Variants in LRRC37A2 observed in about 807,000 individuals in gnomAD.
LRRC37A2 encodes the protein leucine rich repeat containing 37 member A2.
A neutral mutation model predicts 68.8 loss-of-function variants in LRRC37A2; 9 were observed. The observed-to-expected ratio is 0.13, with a 90% confidence interval of 0.08 to 0.23. LRRC37A2 has a LOEUF of 0.23. Among genes scored for constraint, LRRC37A2 ranks in the 10% least tolerant of loss-of-function variants. LRRC37A2 has a pLI of 1.00. For missense variants in LRRC37A2, 168 were observed against 950.4 expected, an observed-to-expected ratio of 0.18 and a Z score of 10.82; for synonymous variants, 63 against 367.6, an observed-to-expected ratio of 0.17 and a Z score of 9.48.
chr17:46,940,410 C>T, the LRRC37A2 span: 2 of 1,588,308 alleles, frequency 1.3e-6, no homozygotes, highest in Non-Finnish European at 1.7e-6. Flanking sequence ...CATCTTTAGA[C>T]CTAGATCTGT....
chr17:46,764,913 G>T, the LRRC37A2 span, among the ~76,000 whole-genome samples: 2 of 152,346 alleles, frequency 1.3e-5, no homozygotes, highest in African/African-American at 4.8e-5. Flanking sequence ...CCAGGAGCAG[G>T]TCACTCAGGA....
the LRRC37A2 span, among the ~76,000 whole-genome samples, chr17:46,829,154 G>A: frequency 6.6e-6 from 1 of 151,982 alleles, no homozygotes; most frequent in Non-Finnish European, 1.5e-5. Context: ...ATTTTTTTAT[G>A]GTGTGCAAAT....
the LRRC37A2 span, chr17:46,938,503 ATGTC>A: frequency 9.4e-6 from 15 of 1,589,526 alleles, no homozygotes; most frequent in Non-Finnish European, 1.3e-5. Flanking sequence ...GACCAAGAGA[ATGTC>A]TGTTGGCAAA....
the LRRC37A2 span, among the ~76,000 whole-genome samples, chr17:46,819,810 C>T: frequency 6.6e-6 from 1 of 152,340 alleles, no homozygotes; most frequent in Non-Finnish European, 1.5e-5. The surrounding 1 kb of genome is among the most constrained non-coding windows in gnomAD (Gnocchi z 5.3). Flanking sequence ...TCTCCCTCTC[C>T]AGAGCGAGGA....
At chr17:46,611,869 TGTTAAA>T in the LRRC37A2 span, among the ~76,000 whole-genome samples, 1 of 104,410 alleles carries the variant, frequency 9.6e-6, no homozygotes, top group Non-Finnish European at 1.9e-5. Context: ...AACTGGACTT[TGTTAAA>T]GTTAAAAACT....
the LRRC37A2 span, among the ~76,000 whole-genome samples, chr17:46,721,215 C>T: frequency 6.6e-6 from 1 of 152,214 alleles, no homozygotes; most frequent in Non-Finnish European, 1.5e-5. Flanking sequence ...CAGCCTGTGT[C>T]GTACCTCCAC....
chr17:46,543,768 G>A (rs1348579694), intron 8 of LRRC37A2, among the ~76,000 whole-genome samples: 1 of 150,916 alleles, frequency 6.6e-6, no homozygotes, highest in African/African-American at 2.5e-5. Context: ...ATGTTTCCCA[G>A]CCATCCTAAG....
the LRRC37A2 span, among the ~76,000 whole-genome samples, chr17:46,779,758 AC>A: frequency 4.3e-4 from 19 of 43,886 alleles, 1 homozygote; most frequent in Admixed American, 3.9e-3. Flanking sequence ...GGCAGAGAGG[AC>A]CTTTTTTTTT....
the LRRC37A2 span, among the ~76,000 whole-genome samples, chr17:46,902,435 T>C: frequency 2.0e-5 from 3 of 151,494 alleles, no homozygotes; most frequent in African/African-American, 4.9e-5. Context: ...GAGTAATTCA[T>C]TTGAAATCTC....
chr17:47,019,926 T>G, the LRRC37A2 span: 2 of 703,466 alleles, frequency 2.8e-6, no homozygotes, highest in Non-Finnish European at 2.5e-6. Flanking sequence ...TGCTTTCACC[T>G]TTGCTTGTCA....
the LRRC37A2 span, chr17:46,876,316 C>T: frequency 1.9e-6 from 3 of 1,614,182 alleles, no homozygotes; most frequent in Non-Finnish European, 2.5e-6. Flanking sequence ...TGCGCACCTG[C>T]TGGAAGCAGC....
the LRRC37A2 span, among the ~76,000 whole-genome samples, chr17:46,805,311 G>A: frequency 2.0e-5 from 3 of 152,104 alleles, no homozygotes; most frequent in Admixed American, 1.3e-4. Flanking sequence ...AGTGGCTCAC[G>A]CCTGTAATCC....
the LRRC37A2 span, chr17:46,964,513 C>G: frequency 2.6e-5 from 4 of 152,434 alleles, no homozygotes; most frequent in Admixed American, 6.5e-5. Context: ...TGGCCTATTG[C>G]TGGGGAGGCC....
chr17:46,709,016 G>A, the LRRC37A2 span, among the ~76,000 whole-genome samples: 2 of 151,190 alleles, frequency 1.3e-5, no homozygotes, highest in Admixed American at 1.3e-4. Context: ...GTAGAGACGA[G>A]GTTTCACTTT....
chr17:46,872,394 C>A, the LRRC37A2 span: 3 of 1,351,972 alleles, frequency 2.2e-6, no homozygotes, highest in African/African-American at 3.0e-5. Flanking sequence ...ACGGGACCTC[C>A]AGCGGGTCAG....
chr17:46,961,344 C>T, the LRRC37A2 span, among the ~76,000 whole-genome samples: 1 of 152,052 alleles, frequency 6.6e-6, no homozygotes, highest in Non-Finnish European at 1.5e-5. Context: ...TCGGGACTAG[C>T]CTTGGCAACA....
chr17:46,981,309 T>C, the LRRC37A2 span, among the ~76,000 whole-genome samples: 7 of 152,146 alleles, frequency 4.6e-5, no homozygotes, highest in African/African-American at 1.7e-4. Flanking sequence ...TGTGGAGGTG[T>C]TGGGAGGTGG....
the LRRC37A2 span, chr17:46,851,850 G>A: frequency 4.8e-6 from 2 of 413,280 alleles, no homozygotes; most frequent in African/African-American, 4.2e-5. The surrounding 1 kb of genome is among the most constrained non-coding windows in gnomAD (Gnocchi z 4.3). Context: ...AGCCCGGCGC[G>A]ACCCAACCCA....
At chr17:46,850,015 T>C in the LRRC37A2 span, among the ~76,000 whole-genome samples, 4 of 152,150 alleles carry the variant, frequency 2.6e-5, no homozygotes, top group Non-Finnish European at 5.9e-5. Flanking sequence ...ACCCGGCTAA[T>C]GTCTTTGTAT....
Sources: gnomAD v4.1 joint callset for allele counts (sites outside exome capture counted in the v4.1 genomes callset) on GRCh38, gnomAD v4.1.1 for gene constraint, Gnocchi (gnomAD v3.1) non-coding constraint, MANE v1.5 for transcripts, NCBI Gene and HGNC (gene_info 2026-07-23, HGNC 2026-07-21) for gene names.